The following CDH13 variants were observed in gnomAD, a reference collection of about 807,000 sequenced individuals.
CDH13 encodes the protein cadherin 13.
A neutral mutation model predicts 63.8 loss-of-function variants in CDH13; 24 were observed. That is an observed-to-expected ratio of 0.38 (90% CI 0.27 to 0.53). The LOEUF (loss-of-function observed/expected upper bound fraction) is 0.53, where lower values mean the gene tolerates loss of function less well. CDH13 is among the 20% of genes least tolerant of loss of function. CDH13 has a pLI of 0.85. For missense variants in CDH13, 1,049 were observed against 903.1 expected (o/e 1.16, Z -2.07); for synonymous variants, 503 against 355.3 (o/e 1.42, Z -4.67).
intron 4 of CDH13, among the ~76,000 whole-genome samples, chr16:83,193,324 G>A (rs1249780287): frequency 2.0e-5 from 3 of 152,048 alleles, no homozygotes; most frequent in African/African-American, 7.2e-5. Flanking sequence ...GGCTAGAGAG[G>A]TTTAGTAATG....
chr16:83,408,320 G>T, intron 6 of CDH13, among the ~76,000 whole-genome samples: 1 of 151,912 alleles, frequency 6.6e-6, no homozygotes, highest in African/African-American at 2.4e-5. Flanking sequence ...CTCAACAATG[G>T]GTATACCTTC....
chr16:83,366,547 C>G (rs900005099), intron 6 of CDH13, among the ~76,000 whole-genome samples: 1 of 152,146 alleles, frequency 6.6e-6, no homozygotes, highest in African/African-American at 2.4e-5. Flanking sequence ...ATCACACTGA[C>G]AGAACGACAT....
chr16:82,826,821 T>C (rs1208077201), intron 1 of CDH13: 1 of 152,200 alleles, frequency 6.6e-6, no homozygotes, highest in Non-Finnish European at 1.5e-5. Flanking sequence ...CTAAATGTGA[T>C]TAAAATGTGG....
chr16:82,851,034 C>G (rs2098785196), intron 1 of CDH13, among the ~76,000 whole-genome samples: 1 of 152,112 alleles, frequency 6.6e-6, no homozygotes, highest in African/African-American at 2.4e-5. Flanking sequence ...TGCAGTATCT[C>G]CGAGGGATGC....
chr16:82,659,542 C>G (rs1239629668), intron 1 of CDH13, among the ~76,000 whole-genome samples: 1 of 152,148 alleles, frequency 6.6e-6, no homozygotes, highest in East Asian at 1.9e-4. Flanking sequence ...AATATATACT[C>G]AAACATGTAT....
chr16:83,143,153 C>G (rs59840711), intron 4 of CDH13, among the ~76,000 whole-genome samples: 1 of 152,072 alleles, frequency 6.6e-6, no homozygotes, highest in Non-Finnish European at 1.5e-5. Flanking sequence ...ACATCTCTAC[C>G]CCTATCTTAC....
chr16:83,585,428 G>C (rs1213142935), intron 7 of CDH13, among the ~76,000 whole-genome samples: 1 of 152,140 alleles, frequency 6.6e-6, no homozygotes, highest in Non-Finnish European at 1.5e-5. Flanking sequence ...GGCTTGACAC[G>C]AGGGGGCCCC....
chr16:83,127,779 T>C (rs769083366), intron 4 of CDH13, among the ~76,000 whole-genome samples: 5 of 152,184 alleles, frequency 3.3e-5, no homozygotes, highest in Non-Finnish European at 7.3e-5. Context: ...AAAGAAGTGC[T>C]AATCCAATAT....
intron 1 of CDH13, among the ~76,000 whole-genome samples, chr16:82,767,380 T>A (rs2035095370): frequency 6.6e-6 from 1 of 152,242 alleles, no homozygotes; most frequent in African/African-American, 2.4e-5. Flanking sequence ...GAACTTGATA[T>A]AAATAGAATC....
intron 6 of CDH13, among the ~76,000 whole-genome samples, chr16:83,364,430 A>G (rs938498286): frequency 6.6e-6 from 1 of 152,214 alleles, no homozygotes; most frequent in African/African-American, 2.4e-5. Flanking sequence ...AGAAATAGAT[A>G]AAGGAGTTCT....
At chr16:83,174,349 T>G (rs891547164) in intron 4 of CDH13, among the ~76,000 whole-genome samples, 1 of 152,086 alleles carries the variant, frequency 6.6e-6, no homozygotes, top group African/African-American at 2.4e-5. Flanking sequence ...GGCACTATCT[T>G]TTTTTTCTTT....
intron 1 of CDH13, among the ~76,000 whole-genome samples, chr16:82,768,133 C>T (rs766406646): frequency 5.9e-5 from 9 of 152,176 alleles, no homozygotes; most frequent in African/African-American, 7.2e-5. Context: ...TCATGAGAGA[C>T]GCACCTTGTG....
chr16:83,031,627 T>G (rs2151473471), intron 2 of CDH13, among the ~76,000 whole-genome samples: 1 of 152,098 alleles, frequency 6.6e-6, no homozygotes, highest in East Asian at 1.9e-4. Context: ...AAATATTGAC[T>G]CTGTGCAGCT....
intron 7 of CDH13, among the ~76,000 whole-genome samples, chr16:83,493,023 G>T (rs977202768): frequency 2.0e-5 from 3 of 152,080 alleles, no homozygotes; most frequent in Non-Finnish European, 4.4e-5. Flanking sequence ...TGTTGTTGTT[G>T]TTTTTGGTTT....
intron 3 of CDH13, among the ~76,000 whole-genome samples, chr16:83,125,107 C>T (rs992567283): frequency 6.6e-6 from 1 of 152,168 alleles, no homozygotes; most frequent in African/African-American, 2.4e-5. Context: ...CAGCAATATG[C>T]AAGCAATGAG....
intron 1 of CDH13, among the ~76,000 whole-genome samples, chr16:82,746,460 C>G (rs2034179721): frequency 6.6e-6 from 1 of 151,992 alleles, no homozygotes. Flanking sequence ...CATATTCTCT[C>G]CAGGTCAGCC....
In CDH13 at chr16:83,268,280, G is replaced by T. The variant is rs1302894947; in HGVS notation, c.636+50783G>T. Reference sequence around the variant, plus strand: ...CAATATGTAGGAGAGGAACTTCCATGGAAGTATGAACAGAAGATCAACTGG... The same window carrying T: ...CAATATGTAGGAGAGGAACTTCCATTGAAGTATGAACAGAAGATCAACTGG... On this transcript the variant is annotated intron_variant, in intron 5 of 13. Coordinates refer to ENST00000567109, the MANE Select transcript of CDH13 (RefSeq NM_001257.5). Among the ~76,000 whole-genome samples, 7 of 152,300 alleles carry T rather than the reference G, an allele frequency of 4.6e-5. No individual in the cohort carries two copies. In the East Asian group the frequency reaches 1.4e-3, roughly 29 times the overall value.
intron 5 of CDH13, among the ~76,000 whole-genome samples, chr16:83,244,298 A>G (rs17750108): frequency 0.094 from 14,333 of 152,126 alleles, 986 homozygotes; most frequent in Non-Finnish European, 0.13. Context: ...TTTACAATTT[A>G]TTTAACAAAC....
chr16:83,762,961 C>A (rs187623900), intron 11 of CDH13, among the ~76,000 whole-genome samples: 2 of 152,290 alleles, frequency 1.3e-5, no homozygotes, highest in East Asian at 1.9e-4. Flanking sequence ...CCTGTTAGTT[C>A]CCCCTAAGGC....
Sources: allele counts gnomAD v4.1 joint callset (sites outside exome capture counted in the v4.1 genomes callset), GRCh38; gene constraint gnomAD v4.1.1; transcripts MANE v1.5; gene names NCBI Gene and HGNC (gene_info 2026-07-23, HGNC 2026-07-21).